NINL: variants seen among roughly 807,000 people sequenced by gnomAD.
NINL encodes the protein ninein like.
In NINL, 153 loss-of-function variants were observed where a neutral mutation model predicts 160.3. That is an observed-to-expected ratio of 0.95 (90% CI 0.84 to 1.09). The LOEUF is 1.09. Among genes scored for constraint, NINL ranks in the 50% least tolerant of loss-of-function variants. The probability of loss-of-function intolerance (pLI) is 0.00; values close to 1 mark genes in which losing one functional copy is unlikely to be tolerated. For missense variants in NINL, 1,829 were observed against 1,764.0 expected (o/e 1.04, Z -0.66); for synonymous variants, 800 against 734.8 (o/e 1.09, Z -1.43).
chr20:25,462,435 A>G lies in NINL; in HGVS notation c.3530T>C (p.Ile1177Thr), dbSNP rs374991605. 4 of 1,613,960 alleles carry G rather than the reference A, an allele frequency of 2.5e-6. No individual in the cohort carries two copies. Among genetic ancestry groups the G allele is most frequent in the African/African-American group, 2.7e-5 (2 of 74,886 alleles). The change falls in exon 20 of 24, where the codon ATT becomes ACT. Residue 1177 changes from isoleucine to threonine, a missense_variant. Physicochemically the swap from Ile to Thr is moderately conservative, Grantham distance 89. Transcript: ENST00000278886. The stretch of plus-strand genomic sequence containing the variant: ...CTCCAGGCTCTGTGTTAACATCTGA[A>G]TGGTCACACGATGCTCCTCGTTTTG... ...QAQNEEHRVT[I>T]QMLTQSLEEV...
intron 22 of NINL, among the ~76,000 whole-genome samples, chr20:25,457,056 T>C (rs756968078): frequency 3.3e-5 from 5 of 152,152 alleles, no homozygotes; most frequent in Non-Finnish European, 7.3e-5. Flanking sequence ...CCGGGCGCAG[T>C]GGCTCACACC....
intron 1 of NINL, among the ~76,000 whole-genome samples, chr20:25,547,240 G>C (rs1381899605): frequency 6.6e-6 from 1 of 152,122 alleles, no homozygotes; most frequent in East Asian, 1.9e-4. Flanking sequence ...CCTGGGATTA[G>C]GATAATCCCA....
chr20:25,475,987 T>A, intron 17 of NINL, 56 bp downstream of exon 17: 1 of 1,545,906 alleles, frequency 6.5e-7, no homozygotes, highest in Non-Finnish European at 8.8e-7. Context: ...GTCAGTGGGT[T>A]AGTTCTGCAT....
Position 25,453,586 on chromosome 20 carries a change from G to A in NINL, c.4014C>T (p.Ala1338=), listed in dbSNP as rs1234868753. 1.9e-6 allele frequency: 3 copies of A among 1,613,890 alleles called. No individual in the cohort carries two copies. Among genetic ancestry groups the A allele is most frequent in the Non-Finnish European group, 2.5e-6 (3 of 1,179,908 alleles). The change falls in exon 24 of 24, where the codon GCC becomes GCT. Residue 1338 remains alanine (A), a synonymous_variant. Coordinates refer to ENST00000278886, the MANE Select transcript of NINL (RefSeq NM_025176.6). Reference sequence around the variant, plus strand: ...TGGCCTGAAGTGCTCTCACCAGGTGGGCGTTCTCCACGTACAGCTCCTTCA... The same window carrying A: ...TGGCCTGAAGTGCTCTCACCAGGTGAGCGTTCTCCACGTACAGCTCCTTCA... The part of the protein sequence containing the change: ...LLLKELYVEN[A]HLVRALQATE...
intron 17 of NINL, 114 bp from the exon 18 acceptor site, chr20:25,470,209 T>C: frequency 1.3e-6 from 1 of 770,910 alleles, no homozygotes; most frequent in South Asian, 1.5e-5. Context: ...TCCCCGTCCC[T>C]GGAGGTGGCG....
Position 25,476,102 on chromosome 20 carries a change from T to C in NINL, c.3189A>G (p.Leu1063=), listed in dbSNP as rs953853873. The part of the protein sequence containing the change: ...REKDDMETKL[L]HLEDVVRALE... The stretch of plus-strand genomic sequence containing the variant: ...GAGCCCGGACGACGTCTTCCAGATG[T>C]AGAAGTTTGGTTTCCATGTCATCCT... Residue 1063 remains leucine (L), a synonymous_variant, in exon 17 of 24, where the codon CTA becomes CTG. Transcript: ENST00000278886. 6.8e-6 allele frequency: 11 copies of C among 1,614,118 alleles called. No homozygotes were observed. Among genetic ancestry groups the C allele is most frequent in the Non-Finnish European group, 8.5e-6 (10 of 1,180,042 alleles).
chr20:25,562,662 AG>A (rs1184448182), intron 1 of NINL, among the ~76,000 whole-genome samples: 1 of 149,272 alleles, frequency 6.7e-6, no homozygotes, highest in African/African-American at 2.5e-5. Flanking sequence ...CACTCTGCCT[AG>A]GAAAACCAGA....
chr20:25,572,579 T>C (rs1240531979), intron 1 of NINL, among the ~76,000 whole-genome samples: 5 of 152,192 alleles, frequency 3.3e-5, no homozygotes, highest in Admixed American at 3.3e-4. Flanking sequence ...CTAAGCAATT[T>C]GCCCAAGGTC....
chr20:25,514,371 T>C (rs538721278), intron 3 of NINL, among the ~76,000 whole-genome samples: 1 of 152,232 alleles, frequency 6.6e-6, no homozygotes, highest in Non-Finnish European at 1.5e-5. Flanking sequence ...GCATTCAAGA[T>C]GTGCCCTGGC....
At chr20:25,470,914 GGC>G in intron 17 of NINL, among the ~76,000 whole-genome samples, 1 of 152,192 alleles carries the variant, frequency 6.6e-6, no homozygotes, top group East Asian at 1.9e-4. Context: ...TGACTGGTAA[GGC>G]TAACGTGTAT....
At chr20:25,522,666 T>C (rs935524120) in intron 2 of NINL, among the ~76,000 whole-genome samples, 1 of 152,216 alleles carries the variant, frequency 6.6e-6, no homozygotes, top group African/African-American at 2.4e-5. Context: ...TTTTGTGTTG[T>C]TGGTAATAAT....
chr20:25,583,777 T>G (rs1299406887), intron 1 of NINL, among the ~76,000 whole-genome samples: 1 of 152,192 alleles, frequency 6.6e-6, no homozygotes, highest in African/African-American at 2.4e-5. Context: ...AGATACACCA[T>G]GGAATACTAC....
intron 3 of NINL, among the ~76,000 whole-genome samples, chr20:25,516,967 C>G (rs1207132316): frequency 6.6e-6 from 1 of 152,156 alleles, no homozygotes; most frequent in Non-Finnish European, 1.5e-5. Context: ...CACCTGGGGC[C>G]TCAGTTTCCT....
intron 1 of NINL, among the ~76,000 whole-genome samples, chr20:25,552,248 A>T (rs1397732827): frequency 1.3e-5 from 2 of 152,058 alleles, no homozygotes; most frequent in Non-Finnish European, 2.9e-5. Context: ...AAATCTACTA[A>T]AAGAGCTGGG....
At chr20:25,565,027 C>A (rs1333158432) in intron 1 of NINL, among the ~76,000 whole-genome samples, 5 of 152,088 alleles carry the variant, frequency 3.3e-5, no homozygotes, top group Admixed American at 2.0e-4. Context: ...AATCCTGAGG[C>A]CCAATCTTTC....
chr20:25,526,259 C>A, intron 2 of NINL, 149 bp downstream of exon 2: 1 of 713,430 alleles, frequency 1.4e-6, no homozygotes, highest in South Asian at 2.3e-5. Flanking sequence ...GTAGAATTTC[C>A]ATAGAGGGAA....
At chr20:25,553,553 C>G (rs2064829863) in intron 1 of NINL, among the ~76,000 whole-genome samples, 1 of 152,224 alleles carries the variant, frequency 6.6e-6, no homozygotes, top group African/African-American at 2.4e-5. Flanking sequence ...ATGTGTAACA[C>G]AGATGCATAT....
intron 1 of NINL, among the ~76,000 whole-genome samples, chr20:25,566,944 A>C (rs1256516582): frequency 6.6e-6 from 1 of 151,844 alleles, no homozygotes; most frequent in Non-Finnish European, 1.5e-5. Context: ...ACTAGAGGCC[A>C]GGAGTTTGAG....
At chr20:25,530,418 AT>A (rs1176694331) in intron 1 of NINL, among the ~76,000 whole-genome samples, 1 of 152,116 alleles carries the variant, frequency 6.6e-6, no homozygotes, top group East Asian at 1.9e-4. Context: ...GTATCTAAGT[AT>A]TCTCAGAGAG....
Sources: allele counts gnomAD v4.1 joint callset (sites outside exome capture counted in the v4.1 genomes callset), GRCh38; gene constraint gnomAD v4.1.1; transcripts MANE v1.5; gene names NCBI Gene and HGNC (gene_info 2026-07-23, HGNC 2026-07-21).